Variants in SFI1 observed in about 807,000 individuals in gnomAD.
SFI1 encodes the protein protein SFI1 homolog.
A neutral mutation model predicts 207.5 loss-of-function variants in SFI1; 195 were observed. The observed-to-expected ratio is 0.94, with a 90% CI of 0.84 to 1.06. The LOEUF is 1.06. SFI1 is among the 50% of genes least tolerant of loss of function. SFI1 has a pLI of 0.00. For missense variants in SFI1, 1,634 were observed against 1,588.0 expected, an observed-to-expected ratio of 1.03 and a Z score of -0.49; for synonymous variants, 630 against 598.9, an observed-to-expected ratio of 1.05 and a Z score of -0.76.
intron 4 of SFI1, among the ~76,000 whole-genome samples, chr22:31,542,139 G>A (rs1238258526): frequency 6.7e-6 from 1 of 149,914 alleles, no homozygotes; most frequent in African/African-American, 2.4e-5. Flanking sequence ...CAGTTTAGGA[G>A]CCAGTCTCCT....
chr22:31,587,148 T>C (rs973056945), intron 14 of SFI1, among the ~76,000 whole-genome samples: 2 of 152,182 alleles, frequency 1.3e-5, no homozygotes, highest in Admixed American at 6.5e-5. Context: ...CTGAACATAT[T>C]CAGACCTTTT....
At chr22:31,501,742 T>C (rs548146927) in intron 1 of SFI1, among the ~76,000 whole-genome samples, 6 of 152,308 alleles carry the variant, frequency 3.9e-5, no homozygotes, top group Admixed American at 3.9e-4. Flanking sequence ...TTGATTATAG[T>C]CTATACATTT....
At chr22:31,503,673 C>T (rs12484858) in intron 1 of SFI1, among the ~76,000 whole-genome samples, 3,581 of 150,120 alleles carry the variant, frequency 0.024, 124 homozygotes, top group Admixed American at 0.076. Context: ...CTGCAACCTC[C>T]GCCTCCTAGG....
chr22:31,598,305 C>T (rs1229613076), intron 15 of SFI1, among the ~76,000 whole-genome samples: 1 of 151,104 alleles, frequency 6.6e-6, no homozygotes, highest in Non-Finnish European at 1.5e-5. Flanking sequence ...AATTTATGCA[C>T]CTATATAATC....
rs1220311850 is a variant in SFI1, at chr22:31,612,378, T to TGAAAAAA, written c.2490+538_2490+539insGAAAAAA. On this transcript the variant is annotated intron_variant, in intron 24 of 32. Coordinates refer to ENST00000400288, the MANE Select transcript of SFI1 (RefSeq NM_001007467.3). The stretch of plus-strand genomic sequence containing the variant: ...CCGGGCAACAGAGCGAGACTCTGTC[T>TGAAAAAA]AAAAAAAAAAAAAAAAAAAAATATA... The TGAAAAAA allele has an allele frequency of 4.3e-4, 27 of 62,254 alleles. 2 individuals are homozygous for TGAAAAAA. Among genetic ancestry groups the TGAAAAAA allele is most frequent in the African/African-American group, 2.3e-3 (25 of 10,824 alleles). 3.9% of individuals were successfully genotyped at this position (62,254 alleles called of 1,614,324 possible). A position where few individuals can be genotyped will look rare whatever the true frequency, so the allele number is the denominator to read the frequency against.
At chr22:31,501,291 C>G (rs960264976) in intron 1 of SFI1, among the ~76,000 whole-genome samples, 10 of 151,924 alleles carry the variant, frequency 6.6e-5, no homozygotes, top group African/African-American at 2.4e-4. Context: ...CCTCCCTCAG[C>G]CTCCCGAGTA....
intron 27 of SFI1, chr22:31,614,432 C>G (rs2070991758): frequency 4.7e-6 from 2 of 428,612 alleles, no homozygotes; most frequent in South Asian, 3.8e-5. Flanking sequence ...TGCATGGGGC[C>G]TGGGTCCCGG....
intron 4 of SFI1, among the ~76,000 whole-genome samples, chr22:31,542,720 G>A (rs2059675030): frequency 6.6e-6 from 1 of 151,622 alleles, no homozygotes; most frequent in Non-Finnish European, 1.5e-5. Flanking sequence ...GGAGTGCAGT[G>A]GCCTGATCTC....
intron 4 of SFI1, among the ~76,000 whole-genome samples, chr22:31,543,625 C>T (rs1005954063): frequency 6.6e-6 from 1 of 151,754 alleles, no homozygotes; most frequent in Non-Finnish European, 1.5e-5. Flanking sequence ...GCCTGGCCAT[C>T]GTGGCAAAAC....
intron 13 of SFI1, among the ~76,000 whole-genome samples, chr22:31,584,795 C>T (rs1292150321): frequency 6.6e-6 from 1 of 151,954 alleles, no homozygotes; most frequent in Admixed American, 6.6e-5. Flanking sequence ...GGATTTCACA[C>T]ATATTTCCTA....
chr22:31,503,024 C>T (rs908820823), intron 1 of SFI1, among the ~76,000 whole-genome samples: 2 of 127,364 alleles, frequency 1.6e-5, no homozygotes, highest in Non-Finnish European at 3.1e-5. Context: ...CACTGCACTG[C>T]AGCCTGGGCA....
At chr22:31,581,480 G>A (rs954845456) in intron 12 of SFI1, among the ~76,000 whole-genome samples, 5 of 151,692 alleles carry the variant, frequency 3.3e-5, no homozygotes, top group Non-Finnish European at 7.4e-5. Flanking sequence ...TAGTAGAGAC[G>A]GGTTTTTCCC....
At chr22:31,572,063 C>T (rs1031674265) in intron 8 of SFI1, among the ~76,000 whole-genome samples, 1 of 152,016 alleles carries the variant, frequency 6.6e-6, no homozygotes, top group African/African-American at 2.4e-5. Flanking sequence ...AGGGGACTGA[C>T]GTTGGTGGGA....
Position 31,572,929 on chromosome 22 carries a change from G to GGATT in SFI1, c.766-127_766-124dup, listed in dbSNP as rs1306978324. ...TCCCATAGCTTATCATCCTGCTAGGGGATTGCCACTTCCTTGTTTCTAATT... is the reference window on the plus strand; with the variant it reads ...TCCCATAGCTTATCATCCTGCTAGGGGATTGATTGCCACTTCCTTGTTTCTAATT... On this transcript the variant is annotated intron_variant, in intron 8 of 32. Coordinates refer to ENST00000400288, the MANE Select transcript of SFI1 (RefSeq NM_001007467.3). 8.8e-5 allele frequency: 77 copies of GGATT among 875,534 alleles called. 2 individuals carry two copies. The highest frequency in any genetic ancestry group is 7.3e-4 in the Middle Eastern group (2 of 2,750). The allele number at this position is 875,534 out of a possible 1,614,324, so 54.2% of individuals were successfully genotyped here. A position where few individuals can be genotyped will look rare whatever the true frequency, so the allele number is the denominator to read the frequency against.
At chr22:31,544,266 T>C (rs1020490831) in intron 4 of SFI1, among the ~76,000 whole-genome samples, 3 of 152,176 alleles carry the variant, frequency 2.0e-5, no homozygotes, top group Non-Finnish European at 2.9e-5. Flanking sequence ...CTAATTTCTC[T>C]TACTCATCTT....
intron 22 of SFI1, among the ~76,000 whole-genome samples, chr22:31,609,700 G>A (rs909032000): frequency 1.3e-5 from 2 of 152,208 alleles, no homozygotes; most frequent in Admixed American, 6.5e-5. Flanking sequence ...GCATTACTGC[G>A]CCACGAATGT....
At chr22:31,497,028 G>C (rs1284087750) in intron 1 of SFI1, among the ~76,000 whole-genome samples, 1 of 152,214 alleles carries the variant, frequency 6.6e-6, no homozygotes, top group Non-Finnish European at 1.5e-5. Context: ...GCCCAGGAGC[G>C]GAAGGGCTGG....
rs763599559 is a variant in SFI1, at chr22:31,615,221, AGCT to A, written c.3254_3256del (p.Leu1085del). On this transcript the variant is annotated inframe_deletion, in exon 29 of 33. Transcript: ENST00000400288. ...CCCCCGACGGCAAGCACAGGCCCGG[AGCT>A]GCTGCTGCTGCCTCTTTCCTCCTTC... The A allele has an allele frequency of 3.9e-6, 6 of 1,552,328 alleles. No homozygotes were observed. Among genetic ancestry groups the A allele is most frequent in the South Asian group, 1.2e-5 (1 of 84,940 alleles).
intron 27 of SFI1, 90 bp from the exon 28 acceptor site, chr22:31,614,699 T>C (rs2071062827): frequency 6.9e-7 from 1 of 1,447,660 alleles, no homozygotes; most frequent in Non-Finnish European, 9.6e-7. Context: ...ACTTTCAGTC[T>C]CCCTATAAAA....
Sources: allele counts gnomAD v4.1 joint callset (sites outside exome capture counted in the v4.1 genomes callset), GRCh38; gene constraint gnomAD v4.1.1; transcripts MANE v1.5; gene names NCBI Gene and HGNC (gene_info 2026-07-23, HGNC 2026-07-21).